Variants in LAMA2 observed in about 807,000 individuals in gnomAD.
LAMA2 encodes the protein laminin subunit alpha-2.
Under a neutral mutation model 364.8 loss-of-function variants are expected in LAMA2, and 269 were observed. The observed-to-expected ratio is 0.74, with a 90% CI of 0.67 to 0.82. The LOEUF (loss-of-function observed/expected upper bound fraction) is 0.82. LAMA2 is among the 40% of genes least tolerant of loss of function. The probability of loss-of-function intolerance (pLI) is 0.00; values close to 1 mark genes in which losing one functional copy is unlikely to be tolerated. For missense variants in LAMA2, 3,807 were observed against 3,873.2 expected, an observed-to-expected ratio of 0.98 and a Z score of 0.45; for synonymous variants, 1,379 against 1,370.6, an observed-to-expected ratio of 1.01 and a Z score of -0.14.
At chr6:128,942,453 G>T (rs1780215627) in intron 1 of LAMA2, among the ~76,000 whole-genome samples, 1 of 152,142 alleles carries the variant, frequency 6.6e-6, no homozygotes, top group South Asian at 2.1e-4. Flanking sequence ...AAAAAAGATG[G>T]ACAGAAGCCA....
intron 35 of LAMA2, among the ~76,000 whole-genome samples, chr6:129,385,434 A>C (rs1035711404): frequency 6.6e-6 from 1 of 151,990 alleles, no homozygotes; most frequent in Non-Finnish European, 1.5e-5. Context: ...TCTCTAAACT[A>C]TAATAATGAG....
chr6:129,297,624 T>C, intron 20 of LAMA2, 61 bp from the exon 21 acceptor site: 1 of 1,501,286 alleles, frequency 6.7e-7, no homozygotes, highest in Non-Finnish European at 9.2e-7. Flanking sequence ...GTATTGTGCA[T>C]CTTGCTTCAC....
At chr6:129,281,490 C>T (rs1356481096) in intron 18 of LAMA2, among the ~76,000 whole-genome samples, 1 of 152,134 alleles carries the variant, frequency 6.6e-6, no homozygotes, top group Non-Finnish European at 1.5e-5. Flanking sequence ...TCTGAACCAT[C>T]TATAATTTAA....
chr6:129,443,570 A>G lies in LAMA2; in HGVS notation c.6274+502A>G, dbSNP rs150412419. 3.0e-3 allele frequency among the ~76,000 whole-genome samples: 454 copies of G among 152,312 alleles called. 2 individuals are homozygous for G. The highest frequency in any genetic ancestry group is 5.2e-3 in the Non-Finnish European group (353 of 68,020). On this transcript the variant is annotated intron_variant, in intron 44 of 64. Transcript: ENST00000421865. ...CTTAATTGCAAGAGGATTAAAATAG[A>G]TAAGGTCTACACTGTTGTTGTTTTT...
rs533970826 is a variant in LAMA2 at position 129,310,146 on chromosome 6, G to A, written c.3175-2715G>A. Among the ~76,000 whole-genome samples the A allele has an allele frequency of 5.3e-5, 8 of 152,006 alleles. No homozygotes were observed. In the South Asian group the frequency reaches 1.5e-3, roughly 28 times the overall value. On this transcript the variant is annotated intron_variant, in intron 22 of 64. Coordinates refer to ENST00000421865, the MANE Select transcript of LAMA2 (RefSeq NM_000426.4). ...GATCTCCTGACCTCGTGATCCGCCC[G>A]CCTCGGCCTCCCAAAGTGCTGGGAT... is the stretch of plus-strand genomic sequence containing the variant.
In LAMA2 at chr6:129,485,189, A is replaced by C. The variant is rs1311640289; in HGVS notation, c.7750-1285A>C. 2.0e-5 allele frequency among the ~76,000 whole-genome samples: 3 copies of C among 152,184 alleles called. No individual in the cohort carries two copies. The East Asian group carries it at 5.8e-4, about 29-fold the overall frequency. ...TTCTGAAATAGATTTCCACTAAAGG[A>C]TACTTGATTCCTTCATCATTGCCAG... On this transcript the variant is annotated intron_variant, in intron 55 of 64. Coordinates refer to ENST00000421865, the MANE Select transcript of LAMA2 (RefSeq NM_000426.4).
chr6:129,339,674 G>A (rs1776147770), intron 29 of LAMA2, among the ~76,000 whole-genome samples: 1 of 152,120 alleles, frequency 6.6e-6, no homozygotes, highest in Non-Finnish European at 1.5e-5. Flanking sequence ...TCGAGTAGCC[G>A]CAGAAGTAGG....
rs150893764 is a variant in LAMA2 at position 129,155,924 on chromosome 6, C to G, written c.1206+1241C>G. ...AAATATTAGGATTATTGCTTAGACT[C>G]TATATACAAATATGGAAAATGGAGC... On this transcript the variant is annotated intron_variant, in intron 8 of 64. Transcript: ENST00000421865. Among the ~76,000 whole-genome samples, 4 of 151,840 alleles carry G rather than the reference C, an allele frequency of 2.6e-5. No individual in the cohort carries two copies. In the East Asian group the frequency reaches 7.7e-4, roughly 29 times the overall value.
At chr6:129,331,030 G>C (rs1425456533) in intron 29 of LAMA2, among the ~76,000 whole-genome samples, 2 of 151,998 alleles carry the variant, frequency 1.3e-5, no homozygotes, top group East Asian at 3.9e-4. Context: ...CACCATGCCC[G>C]GCTTCTTTTT....
chr6:129,237,496 C>A (rs1041892806), intron 12 of LAMA2, among the ~76,000 whole-genome samples: 1 of 151,774 alleles, frequency 6.6e-6, no homozygotes, highest in Non-Finnish European at 1.5e-5. Context: ...CCACCATGCC[C>A]AGCTAATTTT....
At chr6:129,307,116 G>A (rs1773924849) in intron 22 of LAMA2, among the ~76,000 whole-genome samples, 1 of 152,194 alleles carries the variant, frequency 6.6e-6, no homozygotes, top group African/African-American at 2.4e-5. Context: ...GTAGTCACGG[G>A]TCACTTGGAT....
chr6:128,992,008 T>C (rs879922592), intron 1 of LAMA2, among the ~76,000 whole-genome samples: 1 of 152,240 alleles, frequency 6.6e-6, no homozygotes, highest in African/African-American at 2.4e-5. Context: ...TATTGTAGTA[T>C]GTAGTATAGG....
intron 3 of LAMA2, among the ~76,000 whole-genome samples, chr6:129,071,087 A>T: frequency 6.6e-6 from 1 of 152,214 alleles, no homozygotes; most frequent in Non-Finnish European, 1.5e-5. Flanking sequence ...TTAGTCACAG[A>T]TTCCATATCT....
Position 129,424,409 on chromosome 6 carries a change from A to G in LAMA2, c.5866-3343A>G, listed in dbSNP as rs191250994. On this transcript the variant is annotated intron_variant, in intron 40 of 64. Transcript: ENST00000421865. ...AAAATTGAGAACTTCTTCCCTTCAAAAAAAAAAAAGCACTTTTAAGAAAAT... is the reference window on the plus strand; with the variant it reads ...AAAATTGAGAACTTCTTCCCTTCAAGAAAAAAAAAGCACTTTTAAGAAAAT... Among the ~76,000 whole-genome samples, 83 of 151,600 alleles carry G rather than the reference A, an allele frequency of 5.5e-4. No homozygotes were observed. In the East Asian group the frequency reaches 9.6e-3, roughly 18 times the overall value.
At chr6:128,888,187 T>C (rs1226203625) in intron 1 of LAMA2, among the ~76,000 whole-genome samples, 3 of 152,140 alleles carry the variant, frequency 2.0e-5, no homozygotes, top group Non-Finnish European at 4.4e-5. Context: ...AGGCTTAGTA[T>C]ATACCAAGCA....
intron 10 of LAMA2, among the ~76,000 whole-genome samples, chr6:129,180,068 CTT>C (rs1251393672): frequency 2.0e-5 from 3 of 151,442 alleles, no homozygotes; most frequent in Non-Finnish European, 4.4e-5. Context: ...TGAAAAGACA[CTT>C]AGTGTAGTGT....
rs562688086 is a variant in LAMA2, at chr6:129,435,225, T to A, written c.5969-3421T>A. Among the ~76,000 whole-genome samples, 3 of 152,300 alleles carry A rather than the reference T, an allele frequency of 2.0e-5. No individual in the cohort carries two copies. The East Asian group carries it at 5.8e-4, about 29-fold the overall frequency. ...GCCAGAACATTTGAATGCTCCATTA[T>A]TTTAAAAACTAAATCCAATCAAGAA... On this transcript the variant is annotated intron_variant, in intron 41 of 64. Transcript: ENST00000421865.
chr6:129,428,278 T>A (rs1040629917), intron 41 of LAMA2, among the ~76,000 whole-genome samples: 10 of 152,004 alleles, frequency 6.6e-5, no homozygotes, highest in African/African-American at 2.4e-4. Flanking sequence ...AAACATTTTT[T>A]AAAAATTTAG....
chr6:128,905,760 A>T lies in LAMA2; in HGVS notation c.112+22403A>T, dbSNP rs1451246567. ...TAACTCGTCATCTAGCATTAGGTAT[A>T]TCTCCCAATGCTATCCCTCCCCACT... On this transcript the variant is annotated intron_variant, in intron 1 of 64. Coordinates refer to ENST00000421865, the MANE Select transcript of LAMA2 (RefSeq NM_000426.4). 2.0e-5 allele frequency among the ~76,000 whole-genome samples: 3 copies of T among 151,666 alleles called. No individual in the cohort carries two copies. The East Asian group carries it at 5.8e-4, about 29-fold the overall frequency.
Sources: allele counts gnomAD v4.1 joint callset (sites outside exome capture counted in the v4.1 genomes callset), GRCh38; gene constraint gnomAD v4.1.1; transcripts MANE v1.5; gene names NCBI Gene and HGNC (gene_info 2026-07-23, HGNC 2026-07-21).